CCDC187: variants seen among roughly 807,000 people sequenced by gnomAD.
The protein encoded by CCDC187 is coiled-coil domain containing 187, also known as coiled-coil domain-containing protein 187.
CCDC187 carries 32 observed loss-of-function variants against 38.0 expected under a neutral mutation model. The observed-to-expected ratio is 0.84, with a 90% confidence interval of 0.64 to 1.13. CCDC187 has a LOEUF of 1.13. Among genes scored for constraint, CCDC187 ranks in the 50% most tolerant of loss-of-function variants. CCDC187 has a pLI of 0.00. For synonymous variants in CCDC187, 333 were observed against 347.9 expected, an observed-to-expected ratio of 0.96 and a Z score of 0.48; for missense variants, 707 against 786.8, an observed-to-expected ratio of 0.90 and a Z score of 1.21.
chr9:136,294,961 G>C (rs932990424), intron 4 of CCDC187, among the ~76,000 whole-genome samples: 20 of 152,242 alleles, frequency 1.3e-4, no homozygotes, highest in African/African-American at 4.8e-4. Flanking sequence ...TCAGGCAAGT[G>C]TTTCACTTAT....
intron 7 of CCDC187, among the ~76,000 whole-genome samples, chr9:136,289,067 G>A (rs908632419): frequency 3.7e-4 from 57 of 152,230 alleles, no homozygotes; most frequent in Non-Finnish European, 1.5e-4. Flanking sequence ...GCCCACAGCC[G>A]GGCATTATTC....
At position 136,268,042 on chromosome 9, in the gene CCDC187, C is replaced by T. The variant is rs574908457; in HGVS notation, c.3519+7G>A. 40 of 985,522 alleles carry T rather than the reference C, an allele frequency of 4.1e-5. No homozygotes were observed. In the Admixed American group the frequency reaches 1.5e-3, roughly 36 times the overall value. The allele number at this position is 985,522 out of a possible 1,614,324, so 61.0% of individuals were successfully genotyped here. A position where few individuals can be genotyped will look rare whatever the true frequency, so the allele number is the denominator to read the frequency against. On this transcript the variant is annotated splice_region_variant and intron_variant, in intron 15 of 25. Coordinates refer to ENST00000638797, the MANE Select transcript of CCDC187 (RefSeq NM_001378188.1). ...GTGCCTCTCCCCCAGGGGACCTCTC[C>T]ACGTACCTGGTGGGTGGGGTTGTCC...
In CCDC187 at chr9:136,250,406, C is replaced by A; in HGVS notation, c.*3188G>T. ...CACGTCAGCACCAACCACGTGGCAG[C>A]GAGCCTGGGAGCCATCAGATTCGCT... is the stretch of plus-strand genomic sequence containing the variant. On this transcript the variant is annotated 3_prime_UTR_variant, in exon 26 of 26. Transcript: ENST00000638797. 3.5e-6 allele frequency: 1 copy of A among 284,154 alleles called. No individual in the cohort carries two copies. Among genetic ancestry groups the A allele is most frequent in the Non-Finnish European group, 6.9e-6 (1 of 145,200 alleles). The allele number at this position is 284,154 out of a possible 1,614,324, so 17.6% of individuals were successfully genotyped here. A position where few individuals can be genotyped will look rare whatever the true frequency, so the allele number is the denominator to read the frequency against.
At chr9:136,277,855 T>G (rs1830962960) in intron 10 of CCDC187, among the ~76,000 whole-genome samples, 1 of 152,038 alleles carries the variant, frequency 6.6e-6, no homozygotes, top group Non-Finnish European at 1.5e-5. Flanking sequence ...AAGACCAGGA[T>G]CCCCACTCCG....
At chr9:136,304,724 C>A (rs950686554), upstream of CCDC187, among the ~76,000 whole-genome samples, 2 of 152,188 alleles carry the variant, frequency 1.3e-5, no homozygotes, top group South Asian at 2.1e-4. Context: ...TGGGGACCAC[C>A]CCCTCCCCCA....
intron 4 of CCDC187, among the ~76,000 whole-genome samples, chr9:136,294,079 C>G (rs1831469145): frequency 6.6e-6 from 1 of 151,354 alleles, no homozygotes; most frequent in Admixed American, 6.6e-5. Context: ...CACTCACACG[C>G]TCATATACAC....
chr9:136,263,706 C>CG lies in CCDC187; in HGVS notation c.3827dup (p.Pro1278AlafsTer82). Reference sequence around the variant, plus strand: ...GGATGGGGAGGATGTCCACAGGCCCCGGCATGGAGACGACGTCCCTCTGAT... The same window carrying CG: ...GGATGGGGAGGATGTCCACAGGCCCCGGGCATGGAGACGACGTCCCTCTGAT... On this transcript the variant is annotated frameshift_variant, in exon 18 of 26. Transcript: ENST00000638797. LOFTEE classifies it high-confidence loss of function. 1 of 985,470 alleles carries CG rather than the reference C, an allele frequency of 1.0e-6. No homozygotes were observed. Among genetic ancestry groups the CG allele is most frequent in the South Asian group, 4.7e-5 (1 of 21,284 alleles). 61.0% of individuals were successfully genotyped at this position (985,470 alleles called of 1,614,324 possible).
intron 9 of CCDC187, among the ~76,000 whole-genome samples, chr9:136,283,377 G>A (rs1042221675): frequency 0.13 from 19,934 of 152,152 alleles, 1,592 homozygotes; most frequent in Admixed American, 0.2. Flanking sequence ...GGCTGTGTGC[G>A]CCAGCCCTGA....
chr9:136,267,369 G>A lies in CCDC187; in HGVS notation c.3647+15C>T, dbSNP rs868980297. ...CTACGGCGGGGCGGGGCCGGCGCCA[G>A]GCGCATGCGCTCACCCTCGTCGATG... is the stretch of plus-strand genomic sequence containing the variant. On this transcript the variant is annotated intron_variant, in intron 16 of 25. Transcript: ENST00000638797. 1 of 985,468 alleles carries A rather than the reference G, an allele frequency of 1.0e-6. No homozygotes were observed. Among genetic ancestry groups the A allele is most frequent in the Non-Finnish European group, 1.2e-6 (1 of 829,980 alleles). 61.0% of individuals were successfully genotyped at this position (985,468 alleles called of 1,614,324 possible). A position where few individuals can be genotyped will look rare whatever the true frequency, so the allele number is the denominator to read the frequency against.
chr9:136,286,232 C>T lies in CCDC187; in HGVS notation c.2686G>A (p.Gly896Arg), dbSNP rs1831176268. ...PGALGPNWGRGAPGEWVSMQP... is the reference protein window; with the variant it reads ...PGALGPNWGRRAPGEWVSMQP... ...ATGCTCACCCACTCCCCAGGTGCCC[C>T]TCTGCCCCAGTTGGGCCCCAAGGCT... Residue 896 changes from glycine to arginine, a missense_variant, in exon 8 of 26, where the codon GGG becomes AGG. Physicochemically the swap from Gly to Arg is moderately radical, Grantham distance 125. Coordinates refer to ENST00000638797, the MANE Select transcript of CCDC187 (RefSeq NM_001378188.1). 5.0e-6 allele frequency: 2 copies of T among 398,402 alleles called. No individual in the cohort carries two copies. Among genetic ancestry groups the T allele is most frequent in the African/African-American group, 2.1e-5 (1 of 48,640 alleles). 24.7% of individuals were successfully genotyped at this position (398,402 alleles called of 1,614,324 possible). A position where few individuals can be genotyped will look rare whatever the true frequency, so the allele number is the denominator to read the frequency against.
chr9:136,271,868 C>T (rs62579933), intron 14 of CCDC187, among the ~76,000 whole-genome samples: 1 of 152,014 alleles, frequency 6.6e-6, no homozygotes, highest in African/African-American at 2.4e-5. Context: ...GGGCCTCCCA[C>T]AGTGCTGGGA....
In CCDC187 at chr9:136,264,055, A is replaced by G. The variant is rs782169270; in HGVS notation, c.3736-257T>C. The G allele has an allele frequency of 7.8e-5, 12 of 153,766 alleles. No homozygotes were observed. Among genetic ancestry groups the G allele is most frequent in the Non-Finnish European group, 1.2e-4 (8 of 69,418 alleles). The allele number at this position is 153,766 out of a possible 1,614,324, so 9.5% of individuals were successfully genotyped here. ...GGTACTCTTTCCCCAGGGCCCACGC[A>G]GGGCTGGCACAGGCTGGCTGGGCCT... On this transcript the variant is annotated intron_variant, in intron 17 of 25. Coordinates refer to ENST00000638797, the MANE Select transcript of CCDC187 (RefSeq NM_001378188.1). This position sits in a 1 kb window ranked among gnomAD's most constrained non-coding sequence, Gnocchi z 4.3.
At chr9:136,281,971 C>G (rs1306695934) in intron 9 of CCDC187, among the ~76,000 whole-genome samples, 1 of 152,174 alleles carries the variant, frequency 6.6e-6, no homozygotes, top group Non-Finnish European at 1.5e-5. Flanking sequence ...ATCTGGGAAG[C>G]GTTGGCGCCA....
At chr9:136,267,317 G>T (rs1482103341) in intron 16 of CCDC187, 67 bp downstream of exon 16, 2 of 932,092 alleles carry the variant, frequency 2.1e-6, no homozygotes, top group East Asian at 1.2e-4. Context: ...CGGGGCTACA[G>T]CAGGGCGGGG....
At chr9:136,293,293 T>C (rs1347089774) in intron 4 of CCDC187, among the ~76,000 whole-genome samples, 3 of 132,858 alleles carry the variant, frequency 2.3e-5, no homozygotes, top group South Asian at 4.7e-4. Flanking sequence ...GCTCACACAC[T>C]CACAAACACA....
upstream of CCDC187, among the ~76,000 whole-genome samples, chr9:136,305,115 A>G (rs1169922350): frequency 6.6e-6 from 1 of 152,162 alleles, no homozygotes; most frequent in Non-Finnish European, 1.5e-5. Flanking sequence ...GCAGCCTCGG[A>G]GGGGAGGGAG....
At chr9:136,262,201 C>A (rs538114858) in intron 19 of CCDC187, 110 bp downstream of exon 19, 1 of 942,434 alleles carries the variant, frequency 1.1e-6, no homozygotes, top group Non-Finnish European at 1.3e-6. Flanking sequence ...CGTGCCACCC[C>A]GGCCCCTGAG....
intron 12 of CCDC187, among the ~76,000 whole-genome samples, chr9:136,275,974 C>T (rs944434049): frequency 6.6e-6 from 1 of 152,084 alleles, no homozygotes; most frequent in Non-Finnish European, 1.5e-5. Flanking sequence ...CGCTGGGGCA[C>T]CCCCCAGTGC....
Position 136,291,513 on chromosome 9 carries a change from G to T in CCDC187, c.1100C>A (p.Thr367Asn), listed in dbSNP as rs1265126218. Reference sequence around the variant, plus strand: ...TAGGATGGCCATGGCCGTCTGTATGGTCGCTGGCTGGTCGAAGGAAGCCAG... The same window carrying T: ...TAGGATGGCCATGGCCGTCTGTATGTTCGCTGGCTGGTCGAAGGAAGCCAG... Reference protein sequence around the residue: ...PSLASFDQPATIQTAMAILQD... With the variant: ...PSLASFDQPANIQTAMAILQD... The change falls in exon 6 of 26, where the codon ACC (threonine) becomes AAC (asparagine). Residue 367 changes from threonine to asparagine, a missense_variant. Thr to Asn is a moderately conservative substitution (Grantham distance 65). Transcript: ENST00000638797. The T allele has an allele frequency of 5.0e-6, 2 of 398,636 alleles. No individual in the cohort carries two copies. The highest frequency in any genetic ancestry group is 4.1e-5 in the African/African-American group (2 of 48,638). 24.7% of individuals were successfully genotyped at this position (398,636 alleles called of 1,614,324 possible).
Sources: gnomAD v4.1 joint callset for allele counts (sites outside exome capture counted in the v4.1 genomes callset) on GRCh38, gnomAD v4.1.1 for gene constraint, Gnocchi (gnomAD v3.1) non-coding constraint, MANE v1.5 for transcripts, NCBI Gene and HGNC (gene_info 2026-07-23, HGNC 2026-07-21) for gene names.